Variants in ABAT observed in about 807,000 individuals in gnomAD.
The protein encoded by ABAT is 4-aminobutyrate aminotransferase, mitochondrial.
In ABAT, 45 loss-of-function variants were observed where a neutral mutation model predicts 64.6. That is an observed-to-expected ratio of 0.70 (90% CI 0.55 to 0.89). ABAT has a LOEUF of 0.89. ABAT is among the 40% of genes least tolerant of loss of function. The pLI, the probability that ABAT is intolerant of heterozygous loss-of-function variation, is 0.00. For synonymous variants in ABAT, 297 were observed against 250.5 expected (o/e 1.19, Z -1.75); for missense variants, 633 against 658.4 (o/e 0.96, Z 0.42).
intron 6 of ABAT, among the ~76,000 whole-genome samples, chr16:8,761,705 C>T (rs796368135): frequency 7.4e-4 from 112 of 152,304 alleles, no homozygotes; most frequent in African/African-American, 2.1e-3. Context: ...TAGGCCGGGG[C>T]ACCACTGGCT....
rs777518669 is a variant in ABAT at position 8,748,144 on chromosome 16, G to T, written c.198+7G>T. On this transcript the variant is annotated splice_region_variant and intron_variant, in intron 4 of 15. Coordinates refer to ENST00000268251, the MANE Select transcript of ABAT (RefSeq NM_020686.6). The stretch of plus-strand genomic sequence containing the variant: ...ACAGCTGAATATAATTCAGGTAAGT[G>T]AGGAGGAGGTAACTTTCCTTCTGTT... 2.5e-6 allele frequency: 4 copies of T among 1,612,916 alleles called. 1 individual carries two copies. Among genetic ancestry groups the T allele is most frequent in the Non-Finnish European group, 3.4e-6 (4 of 1,179,044 alleles).
chr16:8,756,106 C>G (rs540806474), intron 5 of ABAT, among the ~76,000 whole-genome samples: 1 of 151,638 alleles, frequency 6.6e-6, no homozygotes, highest in Non-Finnish European at 1.5e-5. Context: ...CCAGCTACTC[C>G]GGAGGCTGAG....
chr16:8,719,231 C>T (rs2058296749), intron 1 of ABAT, among the ~76,000 whole-genome samples: 1 of 152,182 alleles, frequency 6.6e-6, no homozygotes. Context: ...ACAAGCCGGA[C>T]CTTCTGTGGC....
chr16:8,781,208 T>C lies in ABAT; in HGVS notation c.1382-101T>C, dbSNP rs760568128. The stretch of plus-strand genomic sequence containing the variant: ...GGAGGATGATGGATGGATGGATGGA[T>C]GGATGGATGAGCGTTGCCAACAGGC... On this transcript the variant is annotated intron_variant, in intron 15 of 15. Coordinates refer to ENST00000268251, the MANE Select transcript of ABAT (RefSeq NM_020686.6). The surrounding 1 kb of genome is among the most constrained non-coding windows in gnomAD (Gnocchi z 4.5). The C allele has an allele frequency of 1.3e-4, 196 of 1,566,608 alleles. No individual in the cohort carries two copies. Among genetic ancestry groups the C allele is most frequent in the Non-Finnish European group, 1.7e-4 (193 of 1,139,934 alleles).
intron 1 of ABAT, chr16:8,715,650 A>C (rs2058195409): frequency 7.0e-6 from 1 of 143,588 alleles, no homozygotes; most frequent in Non-Finnish European, 1.5e-5. Context: ...AAAAAAAAAA[A>C]AAAAAACAAT....
chr16:8,778,069 C>A lies in ABAT; in HGVS notation c.1270-1410C>A, dbSNP rs911051197. 3.3e-5 allele frequency among the ~76,000 whole-genome samples: 5 copies of A among 152,154 alleles called. No homozygotes were observed. The South Asian group carries it at 1.0e-3, about 32-fold the overall frequency. ...GAGCTGCCGTGAAATAAGACTTGCTCCCCCAACTCAGCCCCCAGTACCCTG... is the reference window on the plus strand; with the variant it reads ...GAGCTGCCGTGAAATAAGACTTGCTACCCCAACTCAGCCCCCAGTACCCTG... On this transcript the variant is annotated intron_variant, in intron 14 of 15. Coordinates refer to ENST00000268251, the MANE Select transcript of ABAT (RefSeq NM_020686.6).
At chr16:8,769,057 A>G in intron 11 of ABAT, 84 bp downstream of exon 11, 1 of 1,585,034 alleles carries the variant, frequency 6.3e-7, no homozygotes. Context: ...AGAGAAACAG[A>G]TGAAGGGTTT....
chr16:8,770,546 C>CA (rs2060076973), intron 11 of ABAT, among the ~76,000 whole-genome samples: 1 of 152,054 alleles, frequency 6.6e-6, no homozygotes, highest in Non-Finnish European at 1.5e-5. Context: ...CTCAGGTGAT[C>CA]CTCCCACCTC....
chr16:8,710,141 T>C (rs967993379), intron 1 of ABAT, among the ~76,000 whole-genome samples: 7 of 152,084 alleles, frequency 4.6e-5, no homozygotes, highest in Non-Finnish European at 7.3e-5. Context: ...TCCACTAATA[T>C]CTGTGAAATG....
At chr16:8,773,521 T>C (rs951273291) in intron 12 of ABAT, among the ~76,000 whole-genome samples, 2 of 152,226 alleles carry the variant, frequency 1.3e-5, no homozygotes, top group Non-Finnish European at 2.9e-5. Context: ...ATCTGGGTAA[T>C]TGGATATCCA....
intron 1 of ABAT, among the ~76,000 whole-genome samples, chr16:8,720,203 C>T (rs945396891): frequency 6.6e-6 from 1 of 152,174 alleles, no homozygotes; most frequent in Non-Finnish European, 1.5e-5. Context: ...TTCAATTGAC[C>T]CTAAGCCAGT....
rs768798452 is a variant in ABAT at position 8,735,799 on chromosome 16, G to A, written c.60G>A (p.Leu20=). ...LACSFQHSYR[L]LVPGSRHISQ... Reference sequence around the variant, plus strand: ...GCAGCTTCCAGCACAGCTACCGCCTGCTGGTGCCTGGTAAGCCCCGGGGGT... The same window carrying A: ...GCAGCTTCCAGCACAGCTACCGCCTACTGGTGCCTGGTAAGCCCCGGGGGT... Residue 20 remains leucine, a synonymous_variant, in exon 2 of 16, where the codon CTG becomes CTA. Coordinates refer to ENST00000268251, the MANE Select transcript of ABAT (RefSeq NM_020686.6). 65 of 1,604,212 alleles carry A rather than the reference G, an allele frequency of 4.1e-5. No homozygotes were observed. In the South Asian group the frequency reaches 6.9e-4, roughly 17 times the overall value.
At chr16:8,732,819 C>T (rs1369984832) in intron 1 of ABAT, among the ~76,000 whole-genome samples, 1 of 149,936 alleles carries the variant, frequency 6.7e-6, no homozygotes, top group African/African-American at 2.5e-5. Context: ...CGCCCCTCAC[C>T]TCCCGGACGG....
Position 8,781,250 on chromosome 16 carries a change from C to A in ABAT, c.1382-59C>A. On this transcript the variant is annotated intron_variant, in intron 15 of 15. Transcript: ENST00000268251. This position sits in a 1 kb window ranked among gnomAD's most constrained non-coding sequence, Gnocchi z 4.5. The stretch of plus-strand genomic sequence containing the variant: ...CCAACAGGCATCACTTTCCCCCCAG[C>A]TCTCCCAGCATGTGACTTTGAGAAA... The A allele has an allele frequency of 2.5e-6, 4 of 1,612,460 alleles. No homozygotes were observed. Among genetic ancestry groups the A allele is most frequent in the Non-Finnish European group, 2.5e-6 (3 of 1,179,420 alleles).
intron 2 of ABAT, among the ~76,000 whole-genome samples, chr16:8,742,041 A>T (rs2059175258): frequency 6.6e-6 from 1 of 152,204 alleles, no homozygotes; most frequent in Non-Finnish European, 1.5e-5. Flanking sequence ...AAACAAACTT[A>T]TGGAAAACAT....
intron 1 of ABAT, among the ~76,000 whole-genome samples, chr16:8,721,872 A>T (rs2058382268): frequency 2.0e-5 from 3 of 152,330 alleles, no homozygotes; most frequent in South Asian, 4.1e-4. Context: ...AAAAAGGACG[A>T]GGAGAGGTGG....
Position 8,776,516 on chromosome 16 carries a change from C to G in ABAT, c.1269+26C>G. ...GTAACACCCCCTCCCCTGCCCCGCC[C>G]CCACCACCCATGGCTCCCCGCAGCA... is the stretch of plus-strand genomic sequence containing the variant. On this transcript the variant is annotated intron_variant, in intron 14 of 15. Coordinates refer to ENST00000268251, the MANE Select transcript of ABAT (RefSeq NM_020686.6). The surrounding 1 kb of genome is among the most constrained non-coding windows in gnomAD (Gnocchi z 4.4). 6.4e-7 allele frequency: 1 copy of G among 1,569,614 alleles called. No homozygotes were observed. Among genetic ancestry groups the G allele is most frequent in the South Asian group, 1.2e-5 (1 of 85,842 alleles).
chr16:8,731,980 A>G (rs1211312843), intron 1 of ABAT, among the ~76,000 whole-genome samples: 1 of 151,896 alleles, frequency 6.6e-6, no homozygotes, highest in Non-Finnish European at 1.5e-5. Flanking sequence ...CAGCCTCCCA[A>G]GTAGCTGGGA....
chr16:8,747,987 T>C (rs988265042), intron 3 of ABAT, 121 bp from the exon 4 acceptor site: 1 of 893,548 alleles, frequency 1.1e-6, no homozygotes, highest in Non-Finnish European at 1.8e-6. Flanking sequence ...GGTTGACTAA[T>C]AAAATATTTA....
Sources: gnomAD v4.1 joint callset for allele counts (sites outside exome capture counted in the v4.1 genomes callset) on GRCh38, gnomAD v4.1.1 for gene constraint, Gnocchi (gnomAD v3.1) non-coding constraint, MANE v1.5 for transcripts, NCBI Gene and HGNC (gene_info 2026-07-23, HGNC 2026-07-21) for gene names.